BIRC6: variants seen among roughly 807,000 people sequenced by gnomAD.
The protein encoded by BIRC6 is dual E2 ubiquitin-conjugating enzyme/E3 ubiquitin-protein ligase BIRC6.
In BIRC6, 98 loss-of-function variants were observed where a neutral mutation model predicts 503.3. The ratio of observed to expected loss-of-function variants is 0.19; its 90% confidence interval spans 0.17 to 0.23. The LOEUF is 0.23. BIRC6 is among the 10% of genes least tolerant of loss of function. The probability of loss-of-function intolerance (pLI) is 1.00; values close to 1 mark genes in which losing one functional copy is unlikely to be tolerated. For synonymous variants in BIRC6, 2,240 were observed against 2,078.7 expected (o/e 1.08, Z -2.11); for missense variants, 5,360 against 5,806.0 (o/e 0.92, Z 2.50).
chr2:32,520,918 G>A (rs541084918), intron 57 of BIRC6, among the ~76,000 whole-genome samples: 29 of 152,286 alleles, frequency 1.9e-4, no homozygotes, highest in Non-Finnish European at 3.8e-4. Flanking sequence ...AAGTGCAAAA[G>A]TAGACATTCT....
At chr2:32,581,121 A>G (rs1235293187) in intron 66 of BIRC6, among the ~76,000 whole-genome samples, 2 of 152,220 alleles carry the variant, frequency 1.3e-5, no homozygotes, top group African/African-American at 2.4e-5. Context: ...CTAAGTCGTT[A>G]AGTCAAAAAG....
rs749406258 is a variant in BIRC6, at chr2:32,518,801, A to G, written c.11494-16A>G. Reference sequence around the variant, plus strand: ...AAAAAGTTACTTCCTGATTTCTTTGATTTCTTGATTTTCAGCTGTACAAAG... The same window carrying G: ...AAAAAGTTACTTCCTGATTTCTTTGGTTTCTTGATTTTCAGCTGTACAAAG... On this transcript the variant is annotated splice_polypyrimidine_tract_variant and intron_variant, in intron 56 of 73. Coordinates refer to ENST00000421745, the MANE Select transcript of BIRC6 (RefSeq NM_016252.4). 9 of 1,608,066 alleles carry G rather than the reference A, an allele frequency of 5.6e-6. No homozygotes were observed. The highest frequency in any genetic ancestry group is 3.3e-4 in the Middle Eastern group (2 of 6,056).
At chr2:32,392,296 C>A (rs1281776873) in intron 5 of BIRC6, 146 bp downstream of exon 5, 2 of 607,474 alleles carry the variant, frequency 3.3e-6, no homozygotes, top group Non-Finnish European at 2.9e-6. Flanking sequence ...TTTTTTGGCC[C>A]AGGCTGGAGT....
chr2:32,503,700 G>A (rs910006484), intron 49 of BIRC6, among the ~76,000 whole-genome samples: 3 of 152,076 alleles, frequency 2.0e-5, no homozygotes, highest in Non-Finnish European at 4.4e-5. Context: ...GGGATTACAG[G>A]CATGAGCCAC....
chr2:32,536,085 T>G (rs1305595236), intron 61 of BIRC6, among the ~76,000 whole-genome samples: 1 of 152,254 alleles, frequency 6.6e-6, no homozygotes, highest in South Asian at 2.1e-4. Flanking sequence ...CATGTGTCTT[T>G]TGGCTGCATA....
At chr2:32,499,481 A>T in intron 45 of BIRC6, 66 bp from the exon 46 acceptor site, 1 of 1,358,910 alleles carries the variant, frequency 7.4e-7, no homozygotes, top group Non-Finnish European at 9.8e-7. Flanking sequence ...TTTAATTTTT[A>T]ATCCTTTCTC....
At chr2:32,469,253 A>G (rs1326526907) in intron 29 of BIRC6, 142 bp from the exon 30 acceptor site, 1 of 658,696 alleles carries the variant, frequency 1.5e-6, no homozygotes, top group Non-Finnish European at 2.5e-6. Context: ...TCTACATACA[A>G]GGAGTAAATA....
intron 50 of BIRC6, among the ~76,000 whole-genome samples, chr2:32,506,037 C>A (rs866473753): frequency 2.7e-4 from 41 of 151,928 alleles, no homozygotes; most frequent in Middle Eastern, 3.4e-3. Context: ...TTTGTAGAGA[C>A]GGGGTTTTGT....
At chr2:32,365,640 T>G (rs1417034615) in intron 1 of BIRC6, among the ~76,000 whole-genome samples, 1 of 152,022 alleles carries the variant, frequency 6.6e-6, no homozygotes, top group African/African-American at 2.4e-5. Flanking sequence ...TTTGTTGTCT[T>G]AAATTATATA....
In BIRC6 at chr2:32,416,173, C is replaced by G. The variant is rs767497340; in HGVS notation, c.2872+10C>G. Reference sequence around the variant, plus strand: ...TGTGCATGCACCAAAGGTAAGTTGTCTGATTATGCTATAAATCTTATAAAA... The same window carrying G: ...TGTGCATGCACCAAAGGTAAGTTGTGTGATTATGCTATAAATCTTATAAAA... On this transcript the variant is annotated intron_variant, in intron 10 of 73. Coordinates refer to ENST00000421745, the MANE Select transcript of BIRC6 (RefSeq NM_016252.4). 41 of 1,564,998 alleles carry G rather than the reference C, an allele frequency of 2.6e-5. No individual in the cohort carries two copies. The highest frequency in any genetic ancestry group is 5.5e-5 in the African/African-American group (4 of 72,984).
intron 69 of BIRC6, 150 bp downstream of exon 69, chr2:32,598,118 G>GC: frequency 1.4e-6 from 1 of 701,914 alleles, no homozygotes; most frequent in Non-Finnish European, 2.3e-6. Flanking sequence ...AGTGAAAGGA[G>GC]CCTCCCCACC....
chr2:32,537,341 A>C lies in BIRC6; in HGVS notation c.12291+5790A>C, dbSNP rs543449317. On this transcript the variant is annotated intron_variant, in intron 61 of 73. Transcript: ENST00000421745. ...TCAACACCACACCACACCTATTCCA[A>C]AATTGACCACATAGTTGGAAGTAAA... Among the ~76,000 whole-genome samples the C allele has an allele frequency of 2.6e-5, 4 of 152,294 alleles. No individual in the cohort carries two copies. The East Asian group carries it at 5.8e-4, about 22-fold the overall frequency.
chr2:32,467,802 G>T (rs2048714722), intron 27 of BIRC6, 63 bp downstream of exon 27: 3 of 1,465,910 alleles, frequency 2.0e-6, no homozygotes, highest in South Asian at 1.3e-5. Flanking sequence ...TATGAAAAAT[G>T]AATATATAAT....
At chr2:32,423,368 C>T (rs2043141451) in intron 10 of BIRC6, among the ~76,000 whole-genome samples, 1 of 152,046 alleles carries the variant, frequency 6.6e-6, no homozygotes, top group Non-Finnish European at 1.5e-5. Flanking sequence ...GGCTGTAATA[C>T]ATTCACAATG....
chr2:32,401,702 T>A, intron 8 of BIRC6, 79 bp downstream of exon 8: 2 of 1,288,104 alleles, frequency 1.6e-6, no homozygotes, highest in Non-Finnish European at 2.1e-6. Context: ...TTCTAATAAT[T>A]AAAGAGGAGG....
At chr2:32,507,584 T>C (rs570441979) in intron 50 of BIRC6, among the ~76,000 whole-genome samples, 2 of 152,352 alleles carry the variant, frequency 1.3e-5, no homozygotes, top group South Asian at 4.1e-4. Context: ...TTTAAAATAG[T>C]AAACCATAGC....
At chr2:32,495,795 T>TG (rs1382915190) in intron 45 of BIRC6, among the ~76,000 whole-genome samples, 2 of 149,308 alleles carry the variant, frequency 1.3e-5, no homozygotes, top group South Asian at 2.1e-4. Context: ...ATGAAGTTTT[T>TG]TTTTTTTTTT....
chr2:32,366,697 T>TA (rs2034981266), intron 1 of BIRC6, among the ~76,000 whole-genome samples: 1 of 152,072 alleles, frequency 6.6e-6, no homozygotes, highest in Non-Finnish European at 1.5e-5. Context: ...TTCTCTGAGA[T>TA]ACCAACTTTA....
intron 37 of BIRC6, among the ~76,000 whole-genome samples, chr2:32,480,409 T>C (rs895945858): frequency 6.6e-6 from 1 of 152,102 alleles, no homozygotes; most frequent in Admixed American, 6.6e-5. Flanking sequence ...TGGAGAGTTT[T>C]ATTAATCTTC....
Sources: gnomAD v4.1 joint callset for allele counts (sites outside exome capture counted in the v4.1 genomes callset) on GRCh38, gnomAD v4.1.1 for gene constraint, MANE v1.5 for transcripts, NCBI Gene and HGNC (gene_info 2026-07-23, HGNC 2026-07-21) for gene names.